TAFA4: variants seen among roughly 807,000 people sequenced by gnomAD.
The protein encoded by TAFA4 is chemokine-like protein TAFA-4.
Under a neutral mutation model 21.1 loss-of-function variants are expected in TAFA4, and 20 were observed. That is an observed-to-expected ratio of 0.95 (90% CI 0.67 to 1.38). The LOEUF (loss-of-function observed/expected upper bound fraction) is 1.38, where lower values mean the gene tolerates loss of function less well. Ranked by LOEUF, TAFA4 falls within the 40% of genes most tolerant of loss-of-function variation. The probability of loss-of-function intolerance (pLI) is 0.00; values close to 1 mark genes in which losing one functional copy is unlikely to be tolerated. For synonymous variants in TAFA4, 71 were observed against 67.4 expected, an observed-to-expected ratio of 1.05 and a Z score of -0.26; for missense variants, 211 against 180.9, an observed-to-expected ratio of 1.17 and a Z score of -0.95.
At chr3:68,803,911 T>A (rs1703629788) in intron 3 of TAFA4, among the ~76,000 whole-genome samples, 1 of 147,792 alleles carries the variant, frequency 6.8e-6, no homozygotes, top group African/African-American at 2.5e-5. Context: ...TTCAAGTGAT[T>A]CTCTTGCCTG....
chr3:68,925,527 C>A (rs1320158278), intron 1 of TAFA4, among the ~76,000 whole-genome samples: 1 of 152,118 alleles, frequency 6.6e-6, no homozygotes, highest in Non-Finnish European at 1.5e-5. Context: ...TACTTAAAAT[C>A]TTAAACTAGA....
At chr3:68,920,303 T>C (rs2090046146) in intron 1 of TAFA4, among the ~76,000 whole-genome samples, 1 of 152,246 alleles carries the variant, frequency 6.6e-6, no homozygotes. Context: ...CACAAGACTG[T>C]ATATTTAGTA....
chr3:68,758,406 C>T (rs1702699510), intron 3 of TAFA4, among the ~76,000 whole-genome samples: 1 of 152,136 alleles, frequency 6.6e-6, no homozygotes, highest in Non-Finnish European at 1.5e-5. Flanking sequence ...CTTTCCCATG[C>T]TGTTCTTGTG....
At chr3:68,876,418 A>G (rs890196901) in intron 3 of TAFA4, among the ~76,000 whole-genome samples, 3 of 152,208 alleles carry the variant, frequency 2.0e-5, no homozygotes, top group Admixed American at 1.3e-4. Context: ...TGTACATACA[A>G]TTTTATCATT....
At chr3:68,894,114 C>A (rs2089759865) in intron 1 of TAFA4, among the ~76,000 whole-genome samples, 1 of 150,736 alleles carries the variant, frequency 6.6e-6, no homozygotes, top group Non-Finnish European at 1.5e-5. Flanking sequence ...TAAATGCAGG[C>A]TTAATGGGAT....
chr3:68,889,831 A>T (rs2089713111), intron 1 of TAFA4, among the ~76,000 whole-genome samples: 1 of 152,216 alleles, frequency 6.6e-6, no homozygotes, highest in South Asian at 2.1e-4. Flanking sequence ...GGCAAGAAAC[A>T]TGGCAACCAA....
intron 1 of TAFA4, among the ~76,000 whole-genome samples, chr3:68,899,866 C>T (rs1292171205): frequency 6.6e-6 from 1 of 152,036 alleles, no homozygotes; most frequent in East Asian, 1.9e-4. Context: ...ACTCAGATCA[C>T]CATAATATGC....
chr3:68,875,449 C>G lies in TAFA4; in HGVS notation c.130+5281G>C. On this transcript the variant is annotated intron_variant, in intron 3 of 5. Transcript: ENST00000295569. Reference sequence around the variant, plus strand: ...TTATGGATGCCTTTTTCCATTGCTACCAAAACATAGGACCTTTAAACCATT... The same window carrying G: ...TTATGGATGCCTTTTTCCATTGCTAGCAAAACATAGGACCTTTAAACCATT... 1.3e-5 allele frequency among the ~76,000 whole-genome samples: 2 copies of G among 152,098 alleles called. 1 individual carries two copies. The highest frequency in any genetic ancestry group is 6.3e-3 in the Middle Eastern group (2 of 316).
chr3:68,743,219 T>C (rs1052037628), intron 4 of TAFA4, among the ~76,000 whole-genome samples: 1 of 152,158 alleles, frequency 6.6e-6, no homozygotes, highest in African/African-American at 2.4e-5. Context: ...AAATTGGTTA[T>C]TTATTGTGCC....
chr3:68,806,389 G>A (rs761769552), intron 3 of TAFA4, among the ~76,000 whole-genome samples: 1 of 152,128 alleles, frequency 6.6e-6, no homozygotes, highest in African/African-American at 2.4e-5. Flanking sequence ...CATTTCTGAG[G>A]AAGTACAAGT....
At chr3:68,816,326 T>C (rs541477864) in intron 3 of TAFA4, among the ~76,000 whole-genome samples, 1 of 152,010 alleles carries the variant, frequency 6.6e-6, no homozygotes, top group African/African-American at 2.4e-5. Context: ...TAAAAAAAAA[T>C]AGTAATTCTT....
At chr3:68,889,838 C>G (rs891258666) in intron 1 of TAFA4, among the ~76,000 whole-genome samples, 1 of 152,044 alleles carries the variant, frequency 6.6e-6, no homozygotes, top group African/African-American at 2.4e-5. Context: ...AACATGGCAA[C>G]CAAATGCAAC....
intron 1 of TAFA4, among the ~76,000 whole-genome samples, chr3:68,888,828 T>A (rs775258152): frequency 6.6e-6 from 1 of 151,990 alleles, no homozygotes; most frequent in Non-Finnish European, 1.5e-5. Flanking sequence ...AATCCATTCA[T>A]GAGGGTGGAG....
At chr3:68,832,883 T>C (rs760861009) in intron 3 of TAFA4, among the ~76,000 whole-genome samples, 68 of 152,196 alleles carry the variant, frequency 4.5e-4, no homozygotes, top group Non-Finnish European at 8.8e-5. Flanking sequence ...TCTGTGAACA[T>C]ACAACCGCCT....
intron 3 of TAFA4, among the ~76,000 whole-genome samples, chr3:68,773,121 T>A (rs1490002): frequency 6.6e-6 from 1 of 151,998 alleles, no homozygotes; most frequent in Non-Finnish European, 1.5e-5. Context: ...TGCAACCTAA[T>A]TGAATATTGT....
chr3:68,839,717 T>C (rs1299675249), intron 3 of TAFA4, among the ~76,000 whole-genome samples: 1 of 152,150 alleles, frequency 6.6e-6, no homozygotes, highest in Non-Finnish European at 1.5e-5. Flanking sequence ...GAGTTAACTT[T>C]GAGATGAGTT....
At chr3:68,819,410 G>C (rs1704066955) in intron 3 of TAFA4, among the ~76,000 whole-genome samples, 1 of 152,046 alleles carries the variant, frequency 6.6e-6, no homozygotes, top group South Asian at 2.1e-4. Flanking sequence ...AGTGAAAGCA[G>C]TAAGTGTGGG....
At chr3:68,789,107 C>T (rs1703316646) in intron 3 of TAFA4, among the ~76,000 whole-genome samples, 1 of 151,938 alleles carries the variant, frequency 6.6e-6, no homozygotes, top group African/African-American at 2.4e-5. Flanking sequence ...GTGGCAGGTG[C>T]CTAGTCCCAG....
intron 1 of TAFA4, among the ~76,000 whole-genome samples, chr3:68,890,204 G>A (rs1035938900): frequency 1.3e-5 from 2 of 152,250 alleles, no homozygotes; most frequent in Middle Eastern, 3.4e-3. Context: ...TAGAGGGAAC[G>A]AAGAAGAGAA....
Sources: allele counts gnomAD v4.1 joint callset (sites outside exome capture counted in the v4.1 genomes callset), GRCh38; gene constraint gnomAD v4.1.1; transcripts MANE v1.5; gene names NCBI Gene and HGNC (gene_info 2026-07-23, HGNC 2026-07-21).